ATXN1: variants seen among roughly 807,000 people sequenced by gnomAD.
The protein encoded by ATXN1 is ataxin-1.
ATXN1 carries 8 observed loss-of-function variants against 56.4 expected under a neutral mutation model. That is an observed-to-expected ratio of 0.14 (90% confidence interval 0.08 to 0.26). The LOEUF (loss-of-function observed/expected upper bound fraction) is 0.26, where lower values mean the gene tolerates loss of function less well. Ranked by LOEUF, ATXN1 falls within the 10% of genes least tolerant of loss-of-function variation. ATXN1 has a pLI of 1.00. For missense variants in ATXN1, 987 were observed against 1,106.5 expected (o/e 0.89, Z 1.53); for synonymous variants, 514 against 494.6 (o/e 1.04, Z -0.52).
chr6:16,523,032 T>C (rs1294869446), intron 4 of ATXN1, among the ~76,000 whole-genome samples: 1 of 152,142 alleles, frequency 6.6e-6, no homozygotes, highest in Non-Finnish European at 1.5e-5. Context: ...ATGCCCACCA[T>C]GATGCTTATT....
intron 5 of ATXN1, among the ~76,000 whole-genome samples, chr6:16,505,012 G>C (rs1279572901): frequency 9.7e-6 from 1 of 103,588 alleles, no homozygotes; most frequent in Non-Finnish European, 1.9e-5. Flanking sequence ...TTTTTTTTTA[G>C]CTTTAGCTCT....
At chr6:16,558,534 AT>A (rs1236396533) in intron 4 of ATXN1, among the ~76,000 whole-genome samples, 3 of 151,882 alleles carry the variant, frequency 2.0e-5, no homozygotes, top group Non-Finnish European at 2.9e-5. Flanking sequence ...ATGTTTGGCT[AT>A]TTATTATTAT....
In ATXN1 at chr6:16,479,009, G is replaced by C. The variant is rs182814884; in HGVS notation, c.-161+6963C>G. On this transcript the variant is annotated intron_variant, in intron 6 of 7. Transcript: ENST00000436367. ...GACTGGGAAATGATCACAAGATGCT[G>C]TTTAAAAATGTATTGAGAAAGAAGT... Among the ~76,000 whole-genome samples the C allele has an allele frequency of 3.1e-3, 469 of 152,282 alleles. 2 individuals carry two copies. Among genetic ancestry groups the C allele is most frequent in the African/African-American group, 0.01 (416 of 41,550 alleles).
intron 5 of ATXN1, among the ~76,000 whole-genome samples, chr6:16,516,133 T>C (rs1318902461): frequency 6.6e-6 from 1 of 152,246 alleles, no homozygotes; most frequent in Non-Finnish European, 1.5e-5. Context: ...CCCATCACCA[T>C]AGCTAATTAA....
At position 16,467,323 on chromosome 6, in the gene ATXN1, A is replaced by T. The variant is rs527287145; in HGVS notation, c.-161+18649T>A. Among the ~76,000 whole-genome samples the T allele has an allele frequency of 4.6e-5, 7 of 152,398 alleles. No homozygotes were observed. In the South Asian group the frequency reaches 1.2e-3, roughly 27 times the overall value. ...TGCAAATTATGTATGAAGAGGATGCAGCGATGTGGCCGGGAGTTAGCATGA... is the reference window on the plus strand; with the variant it reads ...TGCAAATTATGTATGAAGAGGATGCTGCGATGTGGCCGGGAGTTAGCATGA... On this transcript the variant is annotated intron_variant, in intron 6 of 7. Transcript: ENST00000436367.
intron 2 of ATXN1, among the ~76,000 whole-genome samples, chr6:16,740,169 T>C (rs1345416272): frequency 6.6e-6 from 1 of 152,222 alleles, no homozygotes; most frequent in Non-Finnish European, 1.5e-5. Context: ...ACCAGCAAAC[T>C]ACTTCTGCAA....
chr6:16,724,356 T>C (rs149084979), intron 2 of ATXN1, among the ~76,000 whole-genome samples: 1 of 152,208 alleles, frequency 6.6e-6, no homozygotes, highest in African/African-American at 2.4e-5. Context: ...TTTCAGTTCT[T>C]TGTGCATCAA....
chr6:16,375,037 C>T (rs1259535251), intron 6 of ATXN1, among the ~76,000 whole-genome samples: 1 of 152,232 alleles, frequency 6.6e-6, no homozygotes, highest in Non-Finnish European at 1.5e-5. Flanking sequence ...CACTCACCCA[C>T]CTACCCCAGC....
intron 5 of ATXN1, among the ~76,000 whole-genome samples, chr6:16,521,329 C>T (rs1761284016): frequency 6.6e-6 from 1 of 152,128 alleles, no homozygotes; most frequent in Admixed American, 6.6e-5. Flanking sequence ...TTTGGGAGGC[C>T]GAGGCGGATC....
intron 4 of ATXN1, among the ~76,000 whole-genome samples, chr6:16,525,062 C>A (rs1431800760): frequency 6.6e-6 from 1 of 152,066 alleles, no homozygotes; most frequent in Non-Finnish European, 1.5e-5. Flanking sequence ...ACAACAACAA[C>A]AACAAAAATT....
At chr6:16,515,033 C>T (rs1761153945) in intron 5 of ATXN1, among the ~76,000 whole-genome samples, 1 of 151,778 alleles carries the variant, frequency 6.6e-6, no homozygotes, top group South Asian at 2.1e-4. Context: ...TAAAGTACAA[C>T]ACAGGACACC....
chr6:16,651,982 C>T (rs1763902973), intron 3 of ATXN1: 1 of 152,344 alleles, frequency 6.6e-6, no homozygotes, highest in South Asian at 2.1e-4. Context: ...AGAAGGGGAC[C>T]TACCATGTAA....
rs1760257104 is a variant in ATXN1, at chr6:16,306,597, T to C, written c.2180A>G (p.Glu727Gly). 1 of 1,614,250 alleles carries C rather than the reference T, an allele frequency of 6.2e-7. No individual in the cohort carries two copies. Among genetic ancestry groups the C allele is most frequent in the Non-Finnish European group, 8.5e-7 (1 of 1,180,042 alleles). The change falls in exon 8 of 8, where the codon GAA becomes GGA. Residue 727 changes from glutamate to glycine, a missense_variant. Glu to Gly is a moderately conservative substitution (Grantham distance 98). Coordinates refer to ENST00000436367, the MANE Select transcript of ATXN1 (RefSeq NM_001128164.2). The surrounding 1 kb of genome is among the most constrained non-coding windows in gnomAD (Gnocchi z 5.2). Reference protein sequence around the residue: ...AGSRHRYAEQENGINQGSAQM... With the variant: ...AGSRHRYAEQGNGINQGSAQM... ...GGCACTCCCCTGGTTGATTCCGTTT[T>C]CCTGCTCGGCATACCTGTGTCTGCT...
chr6:16,685,801 T>C (rs1358246763), intron 2 of ATXN1, among the ~76,000 whole-genome samples: 1 of 152,170 alleles, frequency 6.6e-6, no homozygotes, highest in African/African-American at 2.4e-5. Context: ...TAAACAAAAA[T>C]ATAATTTCAC....
At chr6:16,719,055 G>A (rs1759695960) in intron 2 of ATXN1, among the ~76,000 whole-genome samples, 1 of 152,166 alleles carries the variant, frequency 6.6e-6, no homozygotes, top group African/African-American at 2.4e-5. Flanking sequence ...CATTTGCAGA[G>A]TGCCATGCAC....
rs1487761178 is a variant in ATXN1, at chr6:16,487,693, G to C, written c.-298-1584C>G. On this transcript the variant is annotated intron_variant, in intron 5 of 7. Transcript: ENST00000436367. Reference sequence around the variant, plus strand: ...CCAAGGAGCTCACTGCCTCAAGAGGGACAGAATTAAATAATTATATGAGTT... The same window carrying C: ...CCAAGGAGCTCACTGCCTCAAGAGGCACAGAATTAAATAATTATATGAGTT... 2.0e-5 allele frequency among the ~76,000 whole-genome samples: 3 copies of C among 152,150 alleles called. No homozygotes were observed. In the East Asian group the frequency reaches 5.8e-4, roughly 29 times the overall value.
chr6:16,406,058 C>G (rs1275910073), intron 6 of ATXN1, among the ~76,000 whole-genome samples: 1 of 152,190 alleles, frequency 6.6e-6, no homozygotes, highest in Non-Finnish European at 1.5e-5. Context: ...TGAGCTATTT[C>G]TCTTGCTTTC....
rs967764877 is a variant in ATXN1, at chr6:16,593,852, T to C, written c.-488-7945A>G. Among the ~76,000 whole-genome samples the C allele has an allele frequency of 9.6e-4, 34 of 35,354 alleles. 1 individual carries two copies. The highest frequency in any genetic ancestry group is 0.014 in the Middle Eastern group (1 of 74). 23.2% of individuals were successfully genotyped at this position (35,354 alleles called of 152,430 possible). On this transcript the variant is annotated intron_variant, in intron 3 of 7. Transcript: ENST00000436367. ...ATGTATGTATGTACGTGTATATGTGTGTGTGCATATATATATATATATATA... is the reference window on the plus strand; with the variant it reads ...ATGTATGTATGTACGTGTATATGTGCGTGTGCATATATATATATATATATA...
At chr6:16,332,214 C>T (rs144456420) in intron 6 of ATXN1, among the ~76,000 whole-genome samples, 198 of 152,122 alleles carry the variant, frequency 1.3e-3, no homozygotes, top group Admixed American at 2.4e-3. Context: ...TTCTCTGGGC[C>T]CCGTAAGCTT....
Sources: gnomAD v4.1 joint callset for allele counts (sites outside exome capture counted in the v4.1 genomes callset) on GRCh38, gnomAD v4.1.1 for gene constraint, Gnocchi (gnomAD v3.1) non-coding constraint, MANE v1.5 for transcripts, NCBI Gene and HGNC (gene_info 2026-07-23, HGNC 2026-07-21) for gene names.